The following PSD2 variants were observed in gnomAD, a reference collection of about 807,000 sequenced individuals.
PSD2 encodes pleckstrin and Sec7 domain containing 2.
PSD2 carries 38 observed loss-of-function variants against 69.8 expected under a neutral mutation model. That is an observed-to-expected ratio of 0.54 (90% CI 0.42 to 0.71). The LOEUF is 0.71. PSD2 is among the 30% of genes least tolerant of loss of function. PSD2 has a pLI of 0.00. For missense variants in PSD2, 943 were observed against 1,014.5 expected (o/e 0.93, Z 0.96); for synonymous variants, 412 against 423.0 (o/e 0.97, Z 0.32).
the PSD2 span, among the ~76,000 whole-genome samples, chr5:139,788,860 C>G: frequency 6.6e-6 from 1 of 152,248 alleles, no homozygotes; most frequent in African/African-American, 2.4e-5. Flanking sequence ...GGCAGTCTCC[C>G]TTTCTCCAGC....
intron 5 of PSD2, among the ~76,000 whole-genome samples, chr5:139,819,710 A>G (rs922436993): frequency 2.6e-5 from 4 of 152,220 alleles, no homozygotes; most frequent in Non-Finnish European, 4.4e-5. Flanking sequence ...TATCTTAAGA[A>G]AACCCATGGT....
intron 2 of PSD2, among the ~76,000 whole-genome samples, chr5:139,813,058 G>A (rs1353193344): frequency 6.6e-6 from 1 of 152,168 alleles, no homozygotes; most frequent in Non-Finnish European, 1.5e-5. Context: ...CCATATTGAG[G>A]TGGCATCTTT....
At chr5:139,825,758 T>C (rs899927619) in intron 7 of PSD2, among the ~76,000 whole-genome samples, 2 of 151,738 alleles carry the variant, frequency 1.3e-5, no homozygotes, top group East Asian at 1.9e-4. Context: ...TAGACATCAG[T>C]GCGGGGAGGC....
At chr5:139,801,275 C>T (rs918552868) in intron 1 of PSD2, among the ~76,000 whole-genome samples, 1 of 152,046 alleles carries the variant, frequency 6.6e-6, no homozygotes, top group African/African-American at 2.4e-5. Context: ...GACTCATTGT[C>T]TCCACATCCT....
Position 139,814,371 on chromosome 5 carries a change from G to A in PSD2, c.1016+7G>A, listed in dbSNP as rs758333678. ...CCCGGCAGCTGGGCAAGAAGTGAGT[G>A]TGAGCTCCCCTGCCCCCAACCCTGG... On this transcript the variant is annotated splice_region_variant and intron_variant, in intron 4 of 14. Transcript: ENST00000274710. The surrounding 1 kb of genome is among the most constrained non-coding windows in gnomAD (Gnocchi z 4.4). The A allele has an allele frequency of 1.1e-5, 17 of 1,593,038 alleles. No individual in the cohort carries two copies. The highest frequency in any genetic ancestry group is 1.5e-5 in the Non-Finnish European group (17 of 1,169,314).
the PSD2 span, among the ~76,000 whole-genome samples, chr5:139,750,767 G>A: frequency 6.6e-6 from 1 of 152,146 alleles, no homozygotes; most frequent in East Asian, 1.9e-4. Flanking sequence ...TGTGGGGCCT[G>A]GGTGTCTGGG....
chr5:139,775,690 TGA>T, the PSD2 span, among the ~76,000 whole-genome samples: 1 of 152,072 alleles, frequency 6.6e-6, no homozygotes, highest in Non-Finnish European at 1.5e-5. Context: ...CCTTTTTTTG[TGA>T]GAGAGAGCTC....
the PSD2 span, among the ~76,000 whole-genome samples, chr5:139,746,510 G>T: frequency 6.6e-6 from 1 of 152,190 alleles, no homozygotes; most frequent in Non-Finnish European, 1.5e-5. This position sits in a 1 kb window ranked among gnomAD's most constrained non-coding sequence, Gnocchi z 4.5. Flanking sequence ...GGGCGAGTGT[G>T]CCGCCCTGAC....
chr5:139,789,572 A>G, the PSD2 span, among the ~76,000 whole-genome samples: 5 of 152,348 alleles, frequency 3.3e-5, no homozygotes, highest in East Asian at 7.7e-4. Context: ...TGTCTCTAAA[A>G]GAAAAACAAA....
Position 139,842,522 on chromosome 5 carries a change from G to A in PSD2, c.*48G>A, listed in dbSNP as rs767283139. On this transcript the variant is annotated 3_prime_UTR_variant, in exon 15 of 15. Transcript: ENST00000274710. ...AGGGTGGGCAGATGTCTCCAGTGGG[G>A]TCAGTGAGCACAATTCCAGCCAGGG... is the stretch of plus-strand genomic sequence containing the variant. 2 of 1,557,900 alleles carry A rather than the reference G, an allele frequency of 1.3e-6. No homozygotes were observed. The highest frequency in any genetic ancestry group is 1.8e-6 in the Non-Finnish European group (2 of 1,134,208).
chr5:139,771,074 C>T, the PSD2 span, among the ~76,000 whole-genome samples: 2 of 152,282 alleles, frequency 1.3e-5, no homozygotes, highest in Middle Eastern at 3.4e-3. Context: ...AGAAAAGAAG[C>T]GAAGCTTTAT....
At chr5:139,789,247 G>A in the PSD2 span, among the ~76,000 whole-genome samples, 1 of 152,206 alleles carries the variant, frequency 6.6e-6, no homozygotes, top group Non-Finnish European at 1.5e-5. Context: ...GAGAGGGAGT[G>A]TGCAGGGTCC....
the PSD2 span, among the ~76,000 whole-genome samples, chr5:139,750,978 A>T: frequency 6.6e-6 from 1 of 152,144 alleles, no homozygotes; most frequent in African/African-American, 2.4e-5. Context: ...AGGGCTCCAA[A>T]TTGGCTCCTG....
At chr5:139,794,222 TCTC>T (rs1759468823), upstream of PSD2, among the ~76,000 whole-genome samples, 1 of 152,188 alleles carries the variant, frequency 6.6e-6, no homozygotes, top group East Asian at 1.9e-4. Flanking sequence ...CAGATTCAGA[TCTC>T]CTGGGATCAT....
chr5:139,814,802 C>G lies in PSD2; in HGVS notation c.1016+438C>G, dbSNP rs1561598067. ...AAGCCCTACTATCTATTGGGACAAG[C>G]TGAAGGGGCTGAAGCCCCCAAAGCA... On this transcript the variant is annotated intron_variant, in intron 4 of 14. Coordinates refer to ENST00000274710, the MANE Select transcript of PSD2 (RefSeq NM_032289.4). This position sits in a 1 kb window ranked among gnomAD's most constrained non-coding sequence, Gnocchi z 4.4. Among the ~76,000 whole-genome samples, 1 of 152,208 alleles carries G rather than the reference C, an allele frequency of 6.6e-6. No homozygotes were observed. Among genetic ancestry groups the G allele is most frequent in the South Asian group, 2.1e-4 (1 of 4,826 alleles).
At chr5:139,766,932 T>TC in the PSD2 span, among the ~76,000 whole-genome samples, 489 of 52,668 alleles carry the variant, frequency 9.3e-3, 24 homozygotes, top group African/African-American at 0.03. Flanking sequence ...TTCCTTCCCT[T>TC]CTTTCTTTCT....
chr5:139,766,974 T>TTTC, the PSD2 span, among the ~76,000 whole-genome samples: 1 of 144,288 alleles, frequency 6.9e-6, no homozygotes, highest in Non-Finnish European at 1.5e-5. Context: ...TCTTTCTTTC[T>TTTC]TTCTTTCTTT....
At chr5:139,838,262 G>T (rs1326995650) in intron 12 of PSD2, among the ~76,000 whole-genome samples, 1 of 152,208 alleles carries the variant, frequency 6.6e-6, no homozygotes, top group African/African-American at 2.4e-5. Flanking sequence ...CAGTGCCAGT[G>T]CTGGGCAGGC....
the PSD2 span, among the ~76,000 whole-genome samples, chr5:139,789,940 G>A: frequency 6.6e-6 from 1 of 152,100 alleles, no homozygotes; most frequent in African/African-American, 2.4e-5. Flanking sequence ...AGTGAGGGGT[G>A]GGCGGTGCGG....
Sources: gnomAD v4.1 joint callset for allele counts (sites outside exome capture counted in the v4.1 genomes callset) on GRCh38, gnomAD v4.1.1 for gene constraint, Gnocchi (gnomAD v3.1) non-coding constraint, MANE v1.5 for transcripts, NCBI Gene and HGNC (gene_info 2026-07-23, HGNC 2026-07-21) for gene names.